The following AGMO variants were observed in gnomAD, a reference collection of about 807,000 sequenced individuals.
The protein encoded by AGMO is alkylglycerol monooxygenase, also known as glyceryl-ether monooxygenase.
AGMO carries 75 observed loss-of-function variants against 60.2 expected under a neutral mutation model. The observed-to-expected ratio is 1.25, with a 90% CI of 1.03 to 1.51. The LOEUF (loss-of-function observed/expected upper bound fraction) is 1.51, where lower values mean the gene tolerates loss of function less well. Among genes scored for constraint, AGMO ranks in the 40% most tolerant of loss-of-function variants. AGMO has a pLI of 0.00. For missense variants in AGMO, 763 were observed against 525.5 expected (o/e 1.45, Z -4.42); for synonymous variants, 261 against 177.1 (o/e 1.47, Z -3.76).
At chr7:15,528,226 T>C (rs753631234) in intron 3 of AGMO, among the ~76,000 whole-genome samples, 12 of 142,250 alleles carry the variant, frequency 8.4e-5, no homozygotes, top group South Asian at 2.1e-4. Flanking sequence ...GTGATTAAAG[T>C]ATATATATAT....
At chr7:15,545,205 TATTTTTC>T (rs1236579902) in intron 2 of AGMO, among the ~76,000 whole-genome samples, 1 of 152,166 alleles carries the variant, frequency 6.6e-6, no homozygotes, top group Non-Finnish European at 1.5e-5. Flanking sequence ...TCTCTTAAAA[TATTTTTC>T]ATGGAACCCA....
chr7:15,497,873 G>A (rs2128523875), intron 3 of AGMO, among the ~76,000 whole-genome samples: 1 of 152,050 alleles, frequency 6.6e-6, no homozygotes, highest in South Asian at 2.1e-4. Flanking sequence ...GCCTTACTGG[G>A]TTATTTTGAA....
chr7:15,190,017 A>G, the AGMO span, among the ~76,000 whole-genome samples: 1 of 149,632 alleles, frequency 6.7e-6, no homozygotes. Context: ...TATGTACCAA[A>G]TGACCTGAAT....
intron 3 of AGMO, among the ~76,000 whole-genome samples, chr7:15,495,842 C>CTCCT (rs1554279307): frequency 1.7e-3 from 237 of 136,038 alleles, no homozygotes; most frequent in African/African-American, 6.6e-3. Context: ...CTCTCTCTCT[C>CTCCT]CTCTCTCTCT....
chr7:15,457,878 C>T (rs566448987), intron 3 of AGMO, among the ~76,000 whole-genome samples: 1 of 152,186 alleles, frequency 6.6e-6, no homozygotes, highest in South Asian at 2.1e-4. Context: ...GGTACAGACA[C>T]ATGTGTTGAA....
At chr7:15,213,369 G>A (rs533771501) in intron 12 of AGMO, among the ~76,000 whole-genome samples, 1 of 151,438 alleles carries the variant, frequency 6.6e-6, no homozygotes, top group Admixed American at 6.6e-5. Context: ...TGCGAGGGTA[G>A]AAATAGAAAA....
chr7:15,404,726 G>A (rs1262079306), intron 5 of AGMO, among the ~76,000 whole-genome samples: 1 of 151,752 alleles, frequency 6.6e-6, no homozygotes, highest in Non-Finnish European at 1.5e-5. Context: ...TCTTTCTAAA[G>A]CTCACTGTAT....
At chr7:15,121,146 C>A in the AGMO span, among the ~76,000 whole-genome samples, 3 of 152,106 alleles carry the variant, frequency 2.0e-5, no homozygotes, top group African/African-American at 7.2e-5. Context: ...TGCAAGGACA[C>A]AAATTCATTC....
intron 3 of AGMO, among the ~76,000 whole-genome samples, chr7:15,515,101 T>G (rs1315966427): frequency 2.0e-5 from 3 of 152,228 alleles, no homozygotes; most frequent in African/African-American, 7.2e-5. Context: ...GCTCATCCAT[T>G]GGGTGAATTT....
chr7:15,478,249 T>C (rs1039472569), intron 3 of AGMO, among the ~76,000 whole-genome samples: 5 of 152,172 alleles, frequency 3.3e-5, no homozygotes, highest in African/African-American at 1.2e-4. Context: ...TGCACTCGAC[T>C]TGTTGTCTAA....
intron 12 of AGMO, among the ~76,000 whole-genome samples, chr7:15,319,760 T>A (rs1161359248): frequency 6.6e-6 from 1 of 152,140 alleles, no homozygotes; most frequent in Non-Finnish European, 1.5e-5. Context: ...TAGACTCACT[T>A]CCAACTCAAA....
At chr7:15,125,149 G>A in the AGMO span, among the ~76,000 whole-genome samples, 1 of 152,128 alleles carries the variant, frequency 6.6e-6, no homozygotes, top group African/African-American at 2.4e-5. Flanking sequence ...GCAAGCTCTT[G>A]TCTGTTTTAT....
At chr7:15,481,519 T>C (rs1180005537) in intron 3 of AGMO, among the ~76,000 whole-genome samples, 4 of 152,100 alleles carry the variant, frequency 2.6e-5, no homozygotes, top group Non-Finnish European at 5.9e-5. Flanking sequence ...TTCTAAAGCA[T>C]ATACACCTAA....
chr7:15,290,922 G>C (rs1018933060), intron 12 of AGMO, among the ~76,000 whole-genome samples: 4 of 152,054 alleles, frequency 2.6e-5, no homozygotes, highest in Admixed American at 6.6e-5. Flanking sequence ...TTCTTATTAA[G>C]AAAAGAAAAG....
intron 10 of AGMO, among the ~76,000 whole-genome samples, chr7:15,375,488 C>A (rs1783414458): frequency 6.8e-6 from 1 of 147,568 alleles, no homozygotes; most frequent in Non-Finnish European, 1.5e-5. Flanking sequence ...CCTCTAACTC[C>A]TGGGTTCAAG....
the AGMO span, among the ~76,000 whole-genome samples, chr7:15,144,510 A>G: frequency 6.6e-6 from 1 of 152,184 alleles, no homozygotes; most frequent in Non-Finnish European, 1.5e-5. Context: ...TGTGAAGAGG[A>G]TTTTTCAGAA....
At chr7:15,438,186 A>T (rs952430206) in intron 3 of AGMO, among the ~76,000 whole-genome samples, 2 of 152,030 alleles carry the variant, frequency 1.3e-5, no homozygotes, top group Non-Finnish European at 2.9e-5. Context: ...AAAAGCAAGA[A>T]CTAATGTAGG....
At chr7:15,426,318 T>C (rs1163171083) in intron 4 of AGMO, among the ~76,000 whole-genome samples, 1 of 152,178 alleles carries the variant, frequency 6.6e-6, no homozygotes, top group Non-Finnish European at 1.5e-5. Context: ...ATATACTAGG[T>C]ATACAGCAGT....
At chr7:15,370,836 G>C (rs1783180164) in intron 10 of AGMO, among the ~76,000 whole-genome samples, 1 of 152,100 alleles carries the variant, frequency 6.6e-6, no homozygotes. Flanking sequence ...CCATTCTGTA[G>C]ACTGTCTGTT....
Sources: allele counts gnomAD v4.1 joint callset (sites outside exome capture counted in the v4.1 genomes callset), GRCh38; gene constraint gnomAD v4.1.1; transcripts MANE v1.5; gene names NCBI Gene and HGNC (gene_info 2026-07-23, HGNC 2026-07-21).